Variants in RAB7A observed in about 807,000 individuals in gnomAD.
The protein encoded by RAB7A is ras-related protein Rab-7a.
RAB7A carries 2 observed loss-of-function variants against 24.5 expected under a neutral mutation model. The observed-to-expected ratio is 0.08, with a 90% confidence interval of 0.03 to 0.26. The LOEUF (loss-of-function observed/expected upper bound fraction) is 0.26. Among genes scored for constraint, RAB7A ranks in the 10% least tolerant of loss-of-function variants. The pLI is 1.00. For synonymous variants in RAB7A, 100 were observed against 95.9 expected, an observed-to-expected ratio of 1.04 and a Z score of -0.25; for missense variants, 118 against 255.7, an observed-to-expected ratio of 0.46 and a Z score of 3.67.
chr3:128,758,332 G>T (rs188464462), intron 1 of RAB7A, among the ~76,000 whole-genome samples: 78 of 150,664 alleles, frequency 5.2e-4, no homozygotes, highest in African/African-American at 1.9e-3. Flanking sequence ...GAGTGCAGTG[G>T]CGCTATCTCG....
chr3:128,797,289 A>G (rs888154143), intron 2 of RAB7A, among the ~76,000 whole-genome samples: 3 of 152,124 alleles, frequency 2.0e-5, no homozygotes, highest in African/African-American at 7.2e-5. Flanking sequence ...ATCACTGGCT[A>G]TGGGGGGGAA....
intron 5 of RAB7A, among the ~76,000 whole-genome samples, chr3:128,812,616 G>A (rs1397095832): frequency 1.3e-5 from 2 of 152,224 alleles, no homozygotes; most frequent in Non-Finnish European, 2.9e-5. Context: ...GTAGAATGCT[G>A]CTCCTCATTG....
intron 1 of RAB7A, among the ~76,000 whole-genome samples, chr3:128,755,764 G>A (rs151258722): frequency 6.6e-6 from 1 of 151,960 alleles, no homozygotes; most frequent in African/African-American, 2.4e-5. Flanking sequence ...ATGAATAATG[G>A]TAATGATTTT....
At chr3:128,761,795 A>G (rs1039300729) in intron 1 of RAB7A, among the ~76,000 whole-genome samples, 3 of 152,230 alleles carry the variant, frequency 2.0e-5, no homozygotes, top group South Asian at 4.1e-4. Flanking sequence ...TTTAATTAAC[A>G]TATTGAAATA....
chr3:128,786,399 C>T (rs1933342415), intron 1 of RAB7A, among the ~76,000 whole-genome samples: 1 of 151,172 alleles, frequency 6.6e-6, no homozygotes, highest in Non-Finnish European at 1.5e-5. Context: ...TTTCTGGTCT[C>T]TCCTCATGAC....
chr3:128,752,756 A>T (rs533676065), intron 1 of RAB7A, among the ~76,000 whole-genome samples: 5,987 of 123,276 alleles, frequency 0.049, 161 homozygotes, highest in Non-Finnish European at 0.064. Context: ...TTTTTTTTTT[A>T]AAGTGTTTAT....
intron 1 of RAB7A, among the ~76,000 whole-genome samples, chr3:128,768,929 TTC>T (rs2070858028): frequency 6.6e-6 from 1 of 151,228 alleles, no homozygotes; most frequent in African/African-American, 2.4e-5. Flanking sequence ...ACCGTTTCTT[TTC>T]TCTTTTCCTT....
At chr3:128,798,171 A>T in intron 3 of RAB7A, 102 bp downstream of exon 3, 1 of 1,459,920 alleles carries the variant, frequency 6.8e-7, no homozygotes, top group Non-Finnish European at 9.5e-7. Flanking sequence ...TTCAAATCTT[A>T]TTATCTTATT....
chr3:128,803,231 T>C lies in RAB7A; in HGVS notation c.181-3141T>C, dbSNP rs76968149. Among the ~76,000 whole-genome samples, 1,336 of 152,312 alleles carry C rather than the reference T, an allele frequency of 8.8e-3. 24 individuals are homozygous for C. The highest frequency in any genetic ancestry group is 0.03 in the African/African-American group (1,260 of 41,566). On this transcript the variant is annotated intron_variant, in intron 3 of 5. Transcript: ENST00000265062. Reference sequence around the variant, plus strand: ...AAACTTAAAAAATGAAAATAGTGAATACTTTTCACCTTTGGCATTTGAAAA... The same window carrying C: ...AAACTTAAAAAATGAAAATAGTGAACACTTTTCACCTTTGGCATTTGAAAA...
At chr3:128,760,839 C>T (rs150855093) in intron 1 of RAB7A, among the ~76,000 whole-genome samples, 1,865 of 152,224 alleles carry the variant, frequency 0.012, 39 homozygotes, top group African/African-American at 0.043. Context: ...CATGTCATTT[C>T]CACTGCCGGT....
chr3:128,796,412 G>A (rs573790155), intron 2 of RAB7A, among the ~76,000 whole-genome samples: 4 of 152,212 alleles, frequency 2.6e-5, no homozygotes, highest in South Asian at 2.1e-4. Context: ...TGATCATGCC[G>A]TTGCACTGCA....
chr3:128,796,593 C>T (rs528796759), intron 2 of RAB7A, among the ~76,000 whole-genome samples: 8 of 152,230 alleles, frequency 5.3e-5, no homozygotes, highest in African/African-American at 1.9e-4. Context: ...TTCCAAAGTC[C>T]CCTGCCCTTC....
chr3:128,765,681 T>A (rs543769605), intron 1 of RAB7A, among the ~76,000 whole-genome samples: 13 of 152,062 alleles, frequency 8.5e-5, no homozygotes, highest in Admixed American at 1.3e-4. Context: ...GCAGCCACTT[T>A]CCTAAGGGCC....
At chr3:128,798,306 A>C in intron 3 of RAB7A, 1 of 458,550 alleles carries the variant, frequency 2.2e-6, no homozygotes, top group East Asian at 4.7e-5. Flanking sequence ...TCTTCTTAAA[A>C]AAAAACTCAG....
intron 1 of RAB7A, among the ~76,000 whole-genome samples, chr3:128,763,876 GC>G (rs2070800320): frequency 1.7e-5 from 1 of 58,582 alleles, no homozygotes; most frequent in Non-Finnish European, 3.0e-5. Context: ...CCCCCCCCCC[GC>G]CCCTGCTTTT....
At position 128,752,670 on chromosome 3, in the gene RAB7A, A is replaced by G. The variant is rs1019375425; in HGVS notation, c.-9+26311A>G. 2.9e-4 allele frequency among the ~76,000 whole-genome samples: 44 copies of G among 151,730 alleles called. 1 individual carries two copies. The highest frequency in any genetic ancestry group is 2.9e-3 in the Admixed American group (44 of 15,278). On this transcript the variant is annotated intron_variant, in intron 1 of 5. Transcript: ENST00000265062. ...CTCCTTATAATATCCAGAGCAAGAA[A>G]TGGGCCAGTTGTAGCTAGGAATAAT...
At chr3:128,749,799 C>T (rs9882023) in intron 1 of RAB7A, among the ~76,000 whole-genome samples, 33,024 of 152,162 alleles carry the variant, frequency 0.22, 5,110 homozygotes, top group African/African-American at 0.43. Flanking sequence ...TCCCCAGCCA[C>T]GTGGAACTAT....
At chr3:128,749,130 G>T in intron 1 of RAB7A, 1 of 152,324 alleles carries the variant, frequency 6.6e-6, no homozygotes, top group Non-Finnish European at 1.5e-5. Flanking sequence ...ATTTTCTTCT[G>T]GTGGCAATAC....
intron 1 of RAB7A, chr3:128,764,574 T>G: frequency 7.2e-7 from 1 of 1,396,532 alleles, no homozygotes; most frequent in Non-Finnish European, 1.0e-6. Context: ...GGTCACCCAA[T>G]TCTTTGATGG....
Sources: gnomAD v4.1 joint callset for allele counts (sites outside exome capture counted in the v4.1 genomes callset) on GRCh38, gnomAD v4.1.1 for gene constraint, MANE v1.5 for transcripts, NCBI Gene and HGNC (gene_info 2026-07-23, HGNC 2026-07-21) for gene names.